Variants in PDGFD observed in about 807,000 individuals in gnomAD.
PDGFD encodes platelet-derived growth factor D.
Under a neutral mutation model 44.7 loss-of-function variants are expected in PDGFD, and 30 were observed. That is an observed-to-expected ratio of 0.67 (90% CI 0.50 to 0.91). PDGFD has a LOEUF of 0.91. Among genes scored for constraint, PDGFD ranks in the 40% least tolerant of loss-of-function variants. The probability of loss-of-function intolerance (pLI) is 0.00; values close to 1 mark genes in which losing one functional copy is unlikely to be tolerated. For missense variants in PDGFD, 445 were observed against 457.8 expected, an observed-to-expected ratio of 0.97 and a Z score of 0.25; for synonymous variants, 173 against 168.4, an observed-to-expected ratio of 1.03 and a Z score of -0.21.
intron 6 of PDGFD, among the ~76,000 whole-genome samples, chr11:103,918,445 G>C (rs1001240829): frequency 6.6e-6 from 1 of 152,194 alleles, no homozygotes; most frequent in Non-Finnish European, 1.5e-5. Flanking sequence ...AAAGAAGACT[G>C]TTATCAAGGC....
At chr11:104,036,187 C>G (rs1422505407) in intron 1 of PDGFD, among the ~76,000 whole-genome samples, 1 of 152,114 alleles carries the variant, frequency 6.6e-6, no homozygotes, top group Non-Finnish European at 1.5e-5. Flanking sequence ...ACCTGTAATT[C>G]CAGCACTTTG....
intron 5 of PDGFD, among the ~76,000 whole-genome samples, chr11:103,940,955 T>C (rs1263508536): frequency 6.6e-6 from 1 of 152,166 alleles, no homozygotes; most frequent in Non-Finnish European, 1.5e-5. Flanking sequence ...CTCTCCAGTC[T>C]ATGGGGTGGT....
Position 104,119,593 on chromosome 11 carries a change from TATATA to T in PDGFD, c.124+44206_124+44210del, listed in dbSNP as rs1486487024. ...ATATTAATATAATATATTGATATAA[TATATA>T]ATATATTAATATAATATATTATGTA... On this transcript the variant is annotated intron_variant, in intron 1 of 6. Coordinates refer to ENST00000393158, the MANE Select transcript of PDGFD (RefSeq NM_025208.5). 5.2e-4 allele frequency among the ~76,000 whole-genome samples: 50 copies of T among 95,622 alleles called. 2 individuals carry two copies. Among genetic ancestry groups the T allele is most frequent in the Admixed American group, 1.9e-3 (11 of 5,716 alleles). 62.7% of individuals were successfully genotyped at this position (95,622 alleles called of 152,430 possible).
At chr11:104,120,425 T>A (rs1215152715) in intron 1 of PDGFD, among the ~76,000 whole-genome samples, 2 of 151,920 alleles carry the variant, frequency 1.3e-5, no homozygotes, top group African/African-American at 4.8e-5. Flanking sequence ...AAATTGTCAT[T>A]CCTAGTTTAA....
chr11:104,038,048 C>G (rs758009693), intron 1 of PDGFD: 1 of 1,561,824 alleles, frequency 6.4e-7, no homozygotes, highest in South Asian at 1.2e-5. Context: ...CTTGAGGGAG[C>G]CTCAGGTCCC....
intron 1 of PDGFD, among the ~76,000 whole-genome samples, chr11:104,109,488 T>G (rs1442347827): frequency 1.3e-5 from 2 of 152,152 alleles, no homozygotes; most frequent in African/African-American, 4.8e-5. Flanking sequence ...GGATCAAAAT[T>G]TAGCAACATC....
chr11:103,956,619 T>C (rs1240268550), intron 3 of PDGFD, among the ~76,000 whole-genome samples: 2 of 151,890 alleles, frequency 1.3e-5, no homozygotes, highest in Non-Finnish European at 2.9e-5. Context: ...TAGTTCTAGA[T>C]CCCTGAGGAA....
chr11:104,086,274 A>G (rs1861129395), intron 1 of PDGFD, among the ~76,000 whole-genome samples: 1 of 152,154 alleles, frequency 6.6e-6, no homozygotes, highest in South Asian at 2.1e-4. Context: ...GCTAATTTAC[A>G]TATTTTCTAC....
chr11:103,964,769 A>T (rs559162612), intron 3 of PDGFD, among the ~76,000 whole-genome samples: 1 of 152,194 alleles, frequency 6.6e-6, no homozygotes, highest in Admixed American at 6.6e-5. Context: ...AAACAGTAGT[A>T]CTACTGGTCC....
At chr11:104,070,091 G>A (rs11226142) in intron 1 of PDGFD, among the ~76,000 whole-genome samples, 34,274 of 152,010 alleles carry the variant, frequency 0.23, 4,261 homozygotes, top group Non-Finnish European at 0.28. Flanking sequence ...CTTGCAATAT[G>A]GAACACATAA....
At chr11:103,988,476 T>C (rs1859404269) in intron 3 of PDGFD, among the ~76,000 whole-genome samples, 1 of 152,106 alleles carries the variant, frequency 6.6e-6, no homozygotes, top group Admixed American at 6.6e-5. Flanking sequence ...AGCAGTAAAG[T>C]ATTATTTCAA....
intron 5 of PDGFD, among the ~76,000 whole-genome samples, chr11:103,932,349 C>T (rs1858416665): frequency 6.6e-6 from 1 of 152,158 alleles, no homozygotes; most frequent in South Asian, 2.1e-4. Flanking sequence ...TACTGACCAA[C>T]TATAGGCTGA....
chr11:104,002,414 C>T (rs758335860), intron 1 of PDGFD, among the ~76,000 whole-genome samples: 9 of 152,044 alleles, frequency 5.9e-5, no homozygotes, highest in Non-Finnish European at 8.8e-5. Flanking sequence ...AAAAGTGTGG[C>T]GGTCCCCTGC....
At chr11:104,010,460 C>T (rs1447439197) in intron 1 of PDGFD, among the ~76,000 whole-genome samples, 1 of 152,070 alleles carries the variant, frequency 6.6e-6, no homozygotes, top group African/African-American at 2.4e-5. Flanking sequence ...TATTCTTCAC[C>T]TCACTAGAAC....
intron 1 of PDGFD, among the ~76,000 whole-genome samples, chr11:104,004,250 C>T (rs1784575318): frequency 1.3e-5 from 2 of 152,124 alleles, no homozygotes; most frequent in Admixed American, 6.5e-5. Flanking sequence ...ACAGTCAGCC[C>T]TCCATATCCA....
chr11:104,117,768 T>G (rs1861663556), intron 1 of PDGFD, among the ~76,000 whole-genome samples: 1 of 152,042 alleles, frequency 6.6e-6, no homozygotes, highest in Non-Finnish European at 1.5e-5. Context: ...CCCATGTTCA[T>G]GGATGCGTAC....
intron 1 of PDGFD, among the ~76,000 whole-genome samples, chr11:104,158,769 T>C (rs1862346321): frequency 6.7e-6 from 1 of 149,772 alleles, no homozygotes; most frequent in Non-Finnish European, 1.5e-5. Context: ...GAGGTGGAGC[T>C]TTCAGTTAGC....
chr11:104,016,630 A>G (rs1279909075), intron 1 of PDGFD, among the ~76,000 whole-genome samples: 2 of 152,210 alleles, frequency 1.3e-5, no homozygotes, highest in Non-Finnish European at 2.9e-5. Flanking sequence ...GTAATTAGCA[A>G]CTACTGGGTA....
At chr11:104,061,176 TA>T (rs1400928240) in intron 1 of PDGFD, among the ~76,000 whole-genome samples, 1 of 151,974 alleles carries the variant, frequency 6.6e-6, no homozygotes. Flanking sequence ...ATATGAAAGG[TA>T]AACTGTATAG....
Sources: gnomAD v4.1 joint callset for allele counts (sites outside exome capture counted in the v4.1 genomes callset) on GRCh38, gnomAD v4.1.1 for gene constraint, MANE v1.5 for transcripts, NCBI Gene and HGNC (gene_info 2026-07-23, HGNC 2026-07-21) for gene names.